Variants in INPP5A observed in about 807,000 individuals in gnomAD.
The protein encoded by INPP5A is inositol polyphosphate-5-phosphatase A.
INPP5A carries 14 observed loss-of-function variants against 65.2 expected under a neutral mutation model. That is an observed-to-expected ratio of 0.21 (90% confidence interval 0.14 to 0.34). The LOEUF (loss-of-function observed/expected upper bound fraction) is 0.34, where lower values mean the gene tolerates loss of function less well. INPP5A is among the 10% of genes least tolerant of loss of function. The probability of loss-of-function intolerance (pLI) is 1.00; values close to 1 mark genes in which losing one functional copy is unlikely to be tolerated. For synonymous variants in INPP5A, 207 were observed against 208.3 expected, an observed-to-expected ratio of 0.99 and a Z score of 0.05; for missense variants, 431 against 545.6, an observed-to-expected ratio of 0.79 and a Z score of 2.09.
chr10:132,713,220 A>G (rs934812718), intron 8 of INPP5A, among the ~76,000 whole-genome samples: 2 of 151,138 alleles, frequency 1.3e-5, no homozygotes, highest in Non-Finnish European at 3.0e-5. Context: ...ATGGGTGTGC[A>G]CACGTGTGTG....
intron 5 of INPP5A, among the ~76,000 whole-genome samples, chr10:132,691,002 G>A (rs1002773420): frequency 4.3e-4 from 66 of 152,198 alleles, no homozygotes; most frequent in Non-Finnish European, 1.0e-4. Flanking sequence ...ATGACTTCCC[G>A]TCTGACGCTA....
At position 132,783,330 on chromosome 10, in the gene INPP5A, G is replaced by A. The variant is rs972613477; in HGVS notation, c.*1301G>A. 6.6e-6 allele frequency: 1 copy of A among 152,424 alleles called. No homozygotes were observed. The highest frequency in any genetic ancestry group is 2.4e-5 in the African/African-American group (1 of 41,464). The allele number at this position is 152,424 out of a possible 1,614,324, so 9.4% of individuals were successfully genotyped here. A position where few individuals can be genotyped will look rare whatever the true frequency, so the allele number is the denominator to read the frequency against. On this transcript the variant is annotated 3_prime_UTR_variant, in exon 16 of 16. Transcript: ENST00000368594. Reference sequence around the variant, plus strand: ...TCCGCTGCGGAATCTGTTCTTGGTGGAAGCACAGGTCCGTGTCGCTGCTGT... The same window carrying A: ...TCCGCTGCGGAATCTGTTCTTGGTGAAAGCACAGGTCCGTGTCGCTGCTGT...
chr10:132,695,485 A>T (rs1845331264), intron 5 of INPP5A, among the ~76,000 whole-genome samples: 1 of 152,216 alleles, frequency 6.6e-6, no homozygotes, highest in South Asian at 2.1e-4. Flanking sequence ...CTTACTGAAA[A>T]TCTTAGATAA....
chr10:132,690,332 T>C (rs1382346962), intron 4 of INPP5A, 60 bp from the exon 5 acceptor site: 2 of 1,081,452 alleles, frequency 1.8e-6, no homozygotes, highest in Non-Finnish European at 2.8e-6. Context: ...TTGTTAAAAA[T>C]GATCTTTAGA....
At chr10:132,597,309 A>T (rs2133324665) in intron 1 of INPP5A, among the ~76,000 whole-genome samples, 1 of 152,308 alleles carries the variant, frequency 6.6e-6, no homozygotes, top group East Asian at 1.9e-4. Context: ...CAGTCTCAGA[A>T]GATGTGTCAG....
rs769021124 is a variant in INPP5A at position 132,753,556 on chromosome 10, A to C, written c.903+3711A>C. 2.6e-5 allele frequency among the ~76,000 whole-genome samples: 4 copies of C among 152,118 alleles called. No individual in the cohort carries two copies. The highest frequency in any genetic ancestry group is 4.4e-5 in the Non-Finnish European group (3 of 68,028). The stretch of plus-strand genomic sequence containing the variant: ...ATAGCTTTGTTTAGTCGATATTCCC[A>C]TCGAAATTGTATAATTAATTATAAG... On this transcript the variant is annotated intron_variant, in intron 11 of 15. Transcript: ENST00000368594. The surrounding 1 kb of genome is among the most constrained non-coding windows in gnomAD (Gnocchi z 5.3).
intron 1 of INPP5A, among the ~76,000 whole-genome samples, chr10:132,554,640 C>T (rs1590824915): frequency 6.7e-6 from 1 of 149,316 alleles, no homozygotes; most frequent in Non-Finnish European, 1.5e-5. Flanking sequence ...ATGTGGGTAG[C>T]GTGGTTGGTC....
intron 8 of INPP5A, among the ~76,000 whole-genome samples, chr10:132,712,351 GTGTGTGTGTTCGTGTGTGCA>G (rs1304007900): frequency 6.6e-6 from 1 of 151,286 alleles, no homozygotes; most frequent in African/African-American, 2.4e-5. Flanking sequence ...GCACATCTGC[GTGTGTGTGTTCGTGTGTGCA>G]TGTGTGTGGA....
At chr10:132,541,206 G>A (rs2070902541) in intron 1 of INPP5A, among the ~76,000 whole-genome samples, 1 of 152,152 alleles carries the variant, frequency 6.6e-6, no homozygotes. Context: ...TGGAACTCCT[G>A]GGCCCAAGCA....
intron 1 of INPP5A, among the ~76,000 whole-genome samples, chr10:132,572,650 C>G (rs895500611): frequency 6.6e-6 from 1 of 152,146 alleles, no homozygotes; most frequent in Non-Finnish European, 1.5e-5. Flanking sequence ...TTCTCATGCT[C>G]TAGTCCTGGT....
intron 12 of INPP5A, among the ~76,000 whole-genome samples, chr10:132,767,413 C>T (rs1272512753): frequency 2.0e-5 from 3 of 152,174 alleles, no homozygotes; most frequent in Non-Finnish European, 2.9e-5. Context: ...TTGAAAGTGA[C>T]GGAGCACTTT....
intron 11 of INPP5A, among the ~76,000 whole-genome samples, chr10:132,757,081 G>A (rs1220520383): frequency 2.0e-5 from 3 of 152,182 alleles, no homozygotes; most frequent in South Asian, 2.1e-4. Flanking sequence ...GTTGAAAAAT[G>A]TTAAAGTTTA....
intron 4 of INPP5A, among the ~76,000 whole-genome samples, chr10:132,669,898 T>A (rs1376635307): frequency 6.6e-6 from 1 of 151,998 alleles, no homozygotes; most frequent in Non-Finnish European, 1.5e-5. Context: ...CTCTCTGTCC[T>A]CAGGGTGCAG....
chr10:132,719,131 T>C (rs60551028), intron 8 of INPP5A, among the ~76,000 whole-genome samples: 3,813 of 146,992 alleles, frequency 0.026, 99 homozygotes, highest in African/African-American at 0.091. Context: ...TTCAGGGTTC[T>C]GTGGTACCTG....
intron 2 of INPP5A, among the ~76,000 whole-genome samples, chr10:132,623,740 A>G (rs1179554076): frequency 1.3e-5 from 2 of 152,232 alleles, no homozygotes; most frequent in East Asian, 1.9e-4. Flanking sequence ...AATATTTGCA[A>G]ATTACATATT....
chr10:132,538,690 A>C lies in INPP5A; in HGVS notation c.75+519A>C, dbSNP rs1159745363. ...TGGAACCACAAATCCTGACTGCAGA[A>C]CTCTGGTTACAGAACCTGCTCTCAA... On this transcript the variant is annotated intron_variant, in intron 1 of 15. Transcript: ENST00000368594. This position sits in a 1 kb window ranked among gnomAD's most constrained non-coding sequence, Gnocchi z 4.1. 1.3e-5 allele frequency among the ~76,000 whole-genome samples: 2 copies of C among 151,606 alleles called. No individual in the cohort carries two copies. Among genetic ancestry groups the C allele is most frequent in the Non-Finnish European group, 2.9e-5 (2 of 67,926 alleles).
rs559178260 is a variant in INPP5A, at chr10:132,544,272, C to T, written c.75+6101C>T. On this transcript the variant is annotated intron_variant, in intron 1 of 15. Transcript: ENST00000368594. ...TAGGTGGGGCCCTGCTCTGCCGCTC[C>T]GGCCAGAGCAGAGTGCCAGCTCTCA... 7.2e-5 allele frequency among the ~76,000 whole-genome samples: 11 copies of T among 152,346 alleles called. No homozygotes were observed. The East Asian group carries it at 1.4e-3, about 19-fold the overall frequency.
At chr10:132,730,759 G>A (rs186648591) in intron 9 of INPP5A, among the ~76,000 whole-genome samples, 130 of 152,330 alleles carry the variant, frequency 8.5e-4, no homozygotes, top group African/African-American at 1.2e-3. Context: ...TCCCAGCCGC[G>A]TTGGCGTGTC....
chr10:132,633,398 T>G (rs971055704), intron 2 of INPP5A, among the ~76,000 whole-genome samples: 1 of 152,216 alleles, frequency 6.6e-6, no homozygotes, highest in Non-Finnish European at 1.5e-5. Flanking sequence ...ATGAGCTATT[T>G]TGAGTTTCTC....
Sources: gnomAD v4.1 joint callset for allele counts (sites outside exome capture counted in the v4.1 genomes callset) on GRCh38, gnomAD v4.1.1 for gene constraint, Gnocchi (gnomAD v3.1) non-coding constraint, MANE v1.5 for transcripts, NCBI Gene and HGNC (gene_info 2026-07-23, HGNC 2026-07-21) for gene names.